The following DHX35 variants were observed in gnomAD, a reference collection of about 807,000 sequenced individuals.
DHX35 encodes probable ATP-dependent RNA helicase DHX35.
DHX35 carries 84 observed loss-of-function variants against 99.6 expected under a neutral mutation model. The ratio of observed to expected loss-of-function variants is 0.84; its 90% confidence interval spans 0.71 to 1.01. The LOEUF (loss-of-function observed/expected upper bound fraction) is 1.01, where lower values mean the gene tolerates loss of function less well. Ranked by LOEUF, DHX35 falls within the 50% of genes least tolerant of loss-of-function variation. The probability of loss-of-function intolerance (pLI) is 0.00; values close to 1 mark genes in which losing one functional copy is unlikely to be tolerated. For missense variants in DHX35, 852 were observed against 888.5 expected, an observed-to-expected ratio of 0.96 and a Z score of 0.52; for synonymous variants, 331 against 316.2, an observed-to-expected ratio of 1.05 and a Z score of -0.50.
intron 15 of DHX35, 58 bp downstream of exon 15, chr20:39,018,957 G>A (rs2086831077): frequency 2.6e-6 from 4 of 1,557,562 alleles, no homozygotes; most frequent in Admixed American, 3.3e-5. Context: ...GGTGTTGTTT[G>A]CCTGAATTCT....
intron 1 of DHX35, among the ~76,000 whole-genome samples, chr20:38,965,785 G>A (rs2085901322): frequency 1.3e-5 from 2 of 152,188 alleles, no homozygotes; most frequent in Admixed American, 1.3e-4. Context: ...TGTATGACCT[G>A]CCTGAGAGTT....
intron 14 of DHX35, among the ~76,000 whole-genome samples, chr20:39,018,518 G>C (rs536907750): frequency 6.6e-6 from 1 of 151,742 alleles, no homozygotes; most frequent in South Asian, 2.1e-4. Flanking sequence ...GAGGGTACAA[G>C]CAGGAGAAGG....
chr20:38,965,573 G>A (rs1249650587), intron 1 of DHX35, among the ~76,000 whole-genome samples: 1 of 152,138 alleles, frequency 6.6e-6, no homozygotes, highest in East Asian at 1.9e-4. Flanking sequence ...ATAGGGAGTT[G>A]TACTCAGGTC....
At chr20:38,971,993 TG>T (rs1278430323) in intron 2 of DHX35, among the ~76,000 whole-genome samples, 13 of 137,274 alleles carry the variant, frequency 9.5e-5, no homozygotes, top group Middle Eastern at 3.9e-3. Context: ...TTGTTTTTTT[TG>T]TTTTGTTTTG....
chr20:38,968,141 G>A (rs187720984), intron 1 of DHX35, among the ~76,000 whole-genome samples: 424 of 152,320 alleles, frequency 2.8e-3, no homozygotes, highest in African/African-American at 9.5e-3. Context: ...TACGTGACAT[G>A]GAGTGGGCCC....
intron 2 of DHX35, among the ~76,000 whole-genome samples, chr20:38,972,289 G>A (rs1359749734): frequency 2.0e-5 from 3 of 152,070 alleles, no homozygotes; most frequent in Admixed American, 6.5e-5. Flanking sequence ...GGGATTGCAG[G>A]CGTGAGCCAC....
At chr20:38,976,336 C>CTGTGTGTGTG (rs11472267) in intron 3 of DHX35, among the ~76,000 whole-genome samples, 3,071 of 146,114 alleles carry the variant, frequency 0.021, 123 homozygotes, top group African/African-American at 0.074. Flanking sequence ...AGAGAAGTGT[C>CTGTGTGTGTG]TGTGTGTGTG....
chr20:38,999,691 G>C (rs193230370), intron 8 of DHX35, among the ~76,000 whole-genome samples: 1 of 152,264 alleles, frequency 6.6e-6, no homozygotes, highest in East Asian at 1.9e-4. Context: ...CTTTGCCCAG[G>C]TTCACACTTT....
chr20:38,996,923 A>G (rs945263732), intron 8 of DHX35, among the ~76,000 whole-genome samples: 6 of 152,134 alleles, frequency 3.9e-5, no homozygotes, highest in Non-Finnish European at 8.8e-5. Context: ...CTGTGGCTAC[A>G]TTACACAGAA....
chr20:38,966,404 T>C (rs1435460812), intron 1 of DHX35, among the ~76,000 whole-genome samples: 1 of 152,206 alleles, frequency 6.6e-6, no homozygotes, highest in Non-Finnish European at 1.5e-5. Context: ...GCGTGGTGGC[T>C]CATGCCTATA....
chr20:38,984,426 G>A (rs977383772), intron 4 of DHX35, among the ~76,000 whole-genome samples: 20 of 152,150 alleles, frequency 1.3e-4, no homozygotes, highest in Non-Finnish European at 2.6e-4. Context: ...TGGCTGGATA[G>A]AAATAATTTT....
intron 1 of DHX35, among the ~76,000 whole-genome samples, chr20:38,967,806 A>G (rs753276378): frequency 2.0e-5 from 3 of 152,140 alleles, no homozygotes; most frequent in African/African-American, 7.2e-5. Flanking sequence ...TCCCGATTCC[A>G]TGGTTCCAAT....
chr20:38,980,887 A>T (rs969183535), intron 3 of DHX35, among the ~76,000 whole-genome samples: 2 of 152,106 alleles, frequency 1.3e-5, no homozygotes, highest in Admixed American at 1.3e-4. Context: ...AATCTTTTCT[A>T]GGTTGTGCGA....
chr20:39,032,772 C>G (rs957510322), intron 20 of DHX35, among the ~76,000 whole-genome samples: 1 of 152,176 alleles, frequency 6.6e-6, no homozygotes, highest in African/African-American at 2.4e-5. Context: ...AACAAGCCCT[C>G]CAGATGTTTC....
At chr20:39,010,486 C>T in intron 13 of DHX35, 82 bp downstream of exon 13, 2 of 1,552,268 alleles carry the variant, frequency 1.3e-6, no homozygotes, top group Non-Finnish European at 1.7e-6. Context: ...TAGGGCATGC[C>T]ATCTTTCCTT....
intron 7 of DHX35, among the ~76,000 whole-genome samples, chr20:38,993,988 G>A (rs912973137): frequency 1.6e-4 from 24 of 152,272 alleles, no homozygotes; most frequent in African/African-American, 5.8e-4. Flanking sequence ...CCGGATTGCT[G>A]AAGCCCCTAG....
intron 11 of DHX35, among the ~76,000 whole-genome samples, chr20:39,005,891 G>C (rs1417516147): frequency 6.6e-6 from 1 of 152,150 alleles, no homozygotes; most frequent in Admixed American, 6.5e-5. Flanking sequence ...AGCCCTAGGG[G>C]AGGTGGTAAA....
At chr20:38,995,550 A>G (rs929914188) in intron 8 of DHX35, among the ~76,000 whole-genome samples, 1 of 152,098 alleles carries the variant, frequency 6.6e-6, no homozygotes, top group Non-Finnish European at 1.5e-5. Context: ...TTTCTCCTGT[A>G]TATATAATAA....
At chr20:39,017,690 A>G (rs2086807679) in intron 14 of DHX35, among the ~76,000 whole-genome samples, 1 of 152,204 alleles carries the variant, frequency 6.6e-6, no homozygotes, top group African/African-American at 2.4e-5. Flanking sequence ...TTGGGAATCC[A>G]ATACCTGGAT....
Sources: gnomAD v4.1 joint callset for allele counts (sites outside exome capture counted in the v4.1 genomes callset) on GRCh38, gnomAD v4.1.1 for gene constraint, MANE v1.5 for transcripts, NCBI Gene and HGNC (gene_info 2026-07-23, HGNC 2026-07-21) for gene names.